The following SEPTIN9 variants were observed in gnomAD, a reference collection of about 807,000 sequenced individuals.
SEPTIN9 encodes the protein septin-9.
SEPTIN9 carries 13 observed loss-of-function variants against 56.6 expected under a neutral mutation model. The observed-to-expected ratio is 0.23, with a 90% CI of 0.15 to 0.37. The LOEUF (loss-of-function observed/expected upper bound fraction) is 0.37. SEPTIN9 is among the 10% of genes least tolerant of loss of function. The pLI is 1.00. For missense variants in SEPTIN9, 650 were observed against 823.1 expected, an observed-to-expected ratio of 0.79 and a Z score of 2.57; for synonymous variants, 332 against 334.1, an observed-to-expected ratio of 0.99 and a Z score of 0.07.
In SEPTIN9 at chr17:77,437,099, C is replaced by G. The variant is rs1568068614; in HGVS notation, c.721+34396C>G. Among the ~76,000 whole-genome samples the G allele has an allele frequency of 6.6e-6, 1 of 152,236 alleles. No homozygotes were observed. The highest frequency in any genetic ancestry group is 1.5e-5 in the Non-Finnish European group (1 of 68,048). ...GGGCGCCGACCTCCTGCTCTGCCTT[C>G]CCGTGCCCATTCGGTTGGCATCAGC... is the stretch of plus-strand genomic sequence containing the variant. On this transcript the variant is annotated intron_variant, in intron 3 of 11. Coordinates refer to ENST00000427177, the MANE Select transcript of SEPTIN9 (RefSeq NM_001113491.2). This position sits in a 1 kb window ranked among gnomAD's most constrained non-coding sequence, Gnocchi z 5.3.
At chr17:77,285,936 A>C (rs542748925) in intron 1 of SEPTIN9, among the ~76,000 whole-genome samples, 1 of 152,244 alleles carries the variant, frequency 6.6e-6, no homozygotes, top group Non-Finnish European at 1.5e-5. Flanking sequence ...CCCTCAGAGA[A>C]CACTTCCCCA....
chr17:77,342,323 T>C (rs2033759426), intron 2 of SEPTIN9, among the ~76,000 whole-genome samples: 1 of 152,212 alleles, frequency 6.6e-6, no homozygotes, highest in African/African-American at 2.4e-5. Flanking sequence ...CTGTGTTCCT[T>C]GTCACTGTAA....
chr17:77,328,125 C>T (rs917854247), intron 2 of SEPTIN9, among the ~76,000 whole-genome samples: 3 of 142,294 alleles, frequency 2.1e-5, no homozygotes, highest in East Asian at 4.4e-4. Flanking sequence ...AGGGTGTCCC[C>T]GTTCCCAGGG....
intron 2 of SEPTIN9, chr17:77,373,770 C>A: frequency 1.2e-6 from 1 of 816,720 alleles, no homozygotes; most frequent in Non-Finnish European, 1.7e-6. Context: ...CCCGCGTAGA[C>A]CCTGCGCGCC....
intron 3 of SEPTIN9, among the ~76,000 whole-genome samples, chr17:77,423,031 A>G (rs2036760333): frequency 6.6e-6 from 1 of 151,958 alleles, no homozygotes; most frequent in Non-Finnish European, 1.5e-5. Flanking sequence ...CTGAGACAAT[A>G]CCTGCATCTT....
rs892503335 is a variant in SEPTIN9, at chr17:77,309,532, G to A, written c.76+2335G>A. On this transcript the variant is annotated intron_variant, in intron 2 of 11. Transcript: ENST00000427177. ...CCTCCCCATTTGACACTCCCCAGAC[G>A]ACTGTCTGCCATCCCATCCTCCCAG... 5.4e-4 allele frequency among the ~76,000 whole-genome samples: 82 copies of A among 152,136 alleles called. 4 individuals carry two copies. Among genetic ancestry groups the A allele is most frequent in the Non-Finnish European group, 2.9e-5 (2 of 68,024 alleles).
intron 2 of SEPTIN9, among the ~76,000 whole-genome samples, chr17:77,320,598 C>T (rs548813701): frequency 6.6e-6 from 1 of 152,304 alleles, no homozygotes; most frequent in East Asian, 1.9e-4. Flanking sequence ...TTCCAGTGTG[C>T]CATTCTTGCA....
intron 3 of SEPTIN9, among the ~76,000 whole-genome samples, chr17:77,473,892 A>G (rs2039106496): frequency 6.6e-6 from 1 of 152,206 alleles, no homozygotes; most frequent in Non-Finnish European, 1.5e-5. Context: ...CCCCAGGATC[A>G]TCGTCTACCA....
chr17:77,384,907 A>G (rs1026926008), intron 2 of SEPTIN9, among the ~76,000 whole-genome samples: 57 of 151,608 alleles, frequency 3.8e-4, no homozygotes, highest in African/African-American at 1.3e-3. Flanking sequence ...AAAGAGTGGA[A>G]AGACATTTGT....
Position 77,477,508 on chromosome 17 carries a change from C to T in SEPTIN9, c.722-4636C>T, listed in dbSNP as rs187004435. On this transcript the variant is annotated intron_variant, in intron 3 of 11. Coordinates refer to ENST00000427177, the MANE Select transcript of SEPTIN9 (RefSeq NM_001113491.2). ...TGAGAAATAGTCCGCTGTGTTGACT[C>T]AGCACGTTGGGTTTCTCCACGCATC... Among the ~76,000 whole-genome samples, 18 of 152,344 alleles carry T rather than the reference C, an allele frequency of 1.2e-4. No homozygotes were observed. In the East Asian group the frequency reaches 2.9e-3, roughly 24 times the overall value.
At chr17:77,360,669 A>G (rs2034386510) in intron 2 of SEPTIN9, among the ~76,000 whole-genome samples, 2 of 151,568 alleles carry the variant, frequency 1.3e-5, no homozygotes, top group African/African-American at 4.9e-5. Flanking sequence ...GGTTCACACC[A>G]TTCTCCTGCC....
chr17:77,287,848 C>G, intron 1 of SEPTIN9: 1 of 1,015,246 alleles, frequency 9.8e-7, no homozygotes, highest in Non-Finnish European at 1.2e-6. Context: ...GGACAGGAAA[C>G]AGGAGTGGCG....
At chr17:77,477,068 T>TCC (rs1224828291) in intron 3 of SEPTIN9, among the ~76,000 whole-genome samples, 2 of 152,110 alleles carry the variant, frequency 1.3e-5, no homozygotes, top group African/African-American at 4.8e-5. Context: ...TTTCCCTTCT[T>TCC]CCGTCCCTCC....
chr17:77,426,064 C>T (rs1397094849), intron 3 of SEPTIN9, among the ~76,000 whole-genome samples: 1 of 152,110 alleles, frequency 6.6e-6, no homozygotes, highest in East Asian at 1.9e-4. Flanking sequence ...CACCTCCCAG[C>T]ACCTCCACAC....
intron 3 of SEPTIN9, chr17:77,428,866 A>C (rs900795916): frequency 1.0e-5 from 4 of 397,978 alleles, no homozygotes; most frequent in Non-Finnish European, 2.1e-5. Flanking sequence ...GCTGATAAGC[A>C]GGTTATTGAC....
chr17:77,398,445 C>T (rs1027010201), intron 2 of SEPTIN9, among the ~76,000 whole-genome samples: 3 of 152,032 alleles, frequency 2.0e-5, no homozygotes, highest in Non-Finnish European at 4.4e-5. Context: ...GTGTGGGAGG[C>T]CAGCTCCCCG....
chr17:77,290,848 T>TAAATAAATAAA (rs1386384343), intron 1 of SEPTIN9, among the ~76,000 whole-genome samples: 1 of 149,822 alleles, frequency 6.7e-6, no homozygotes, highest in Non-Finnish European at 1.5e-5. Context: ...AATAAATAAA[T>TAAATAAATAAA]TCTTATACCC....
At chr17:77,373,097 C>A in intron 2 of SEPTIN9, 1 of 740,422 alleles carries the variant, frequency 1.4e-6, no homozygotes, top group Non-Finnish European at 1.7e-6. Flanking sequence ...CCGCGTCTCT[C>A]GCCGTCCCCT....
chr17:77,320,268 G>A, intron 2 of SEPTIN9: 2 of 1,611,886 alleles, frequency 1.2e-6, no homozygotes, highest in African/African-American at 1.3e-5. Context: ...GTGAGAAAGG[G>A]GAGGCCGCCT....
Sources: gnomAD v4.1 joint callset for allele counts (sites outside exome capture counted in the v4.1 genomes callset) on GRCh38, gnomAD v4.1.1 for gene constraint, Gnocchi (gnomAD v3.1) non-coding constraint, MANE v1.5 for transcripts, NCBI Gene and HGNC (gene_info 2026-07-23, HGNC 2026-07-21) for gene names.